The following SH3GL2 variants were observed in gnomAD, a reference collection of about 807,000 sequenced individuals.
SH3GL2 encodes SH3 domain containing GRB2 like 2, endophilin A1.
A neutral mutation model predicts 46.0 loss-of-function variants in SH3GL2; 24 were observed. The observed-to-expected ratio is 0.52, with a 90% CI of 0.38 to 0.73. SH3GL2 has a LOEUF of 0.73. Ranked by LOEUF, SH3GL2 falls within the 30% of genes least tolerant of loss-of-function variation. The pLI is 0.00. For missense variants in SH3GL2, 413 were observed against 424.2 expected, an observed-to-expected ratio of 0.97 and a Z score of 0.23; for synonymous variants, 196 against 147.1, an observed-to-expected ratio of 1.33 and a Z score of -2.40.
At chr9:17,627,656 G>A (rs75448047) in intron 1 of SH3GL2, among the ~76,000 whole-genome samples, 20,840 of 152,026 alleles carry the variant, frequency 0.14, 1,498 homozygotes, top group Middle Eastern at 0.23. Context: ...TTGCTGTGGC[G>A]GTGCTCTGAT....
intron 1 of SH3GL2, chr9:17,589,725 A>G (rs1238317681): frequency 2.6e-5 from 4 of 152,306 alleles, no homozygotes; most frequent in Non-Finnish European, 5.9e-5. Context: ...TCGGATGGCT[A>G]CATGGTACTT....
chr9:17,606,774 C>T (rs1020436024), intron 1 of SH3GL2, among the ~76,000 whole-genome samples: 4 of 152,112 alleles, frequency 2.6e-5, no homozygotes, highest in African/African-American at 9.7e-5. Flanking sequence ...GTTCCATATC[C>T]TGCAGTGCTG....
chr9:17,773,277 T>C (rs891588638), intron 3 of SH3GL2, among the ~76,000 whole-genome samples: 1 of 152,134 alleles, frequency 6.6e-6, no homozygotes, highest in Admixed American at 6.5e-5. Flanking sequence ...TTACTCAGTT[T>C]CTAGTGTCTT....
intron 1 of SH3GL2, among the ~76,000 whole-genome samples, chr9:17,608,314 A>G (rs146776728): frequency 0.011 from 1,718 of 151,798 alleles, 33 homozygotes; most frequent in African/African-American, 0.04. Context: ...CACCTGGCTA[A>G]ATTTTGTACT....
chr9:17,610,154 C>G (rs1309117612), intron 1 of SH3GL2, among the ~76,000 whole-genome samples: 2 of 152,200 alleles, frequency 1.3e-5, no homozygotes, highest in Non-Finnish European at 2.9e-5. Flanking sequence ...TCCATCTTCT[C>G]CAAAGTTAGC....
chr9:17,790,111 G>T (rs1371072052), intron 6 of SH3GL2, among the ~76,000 whole-genome samples: 1 of 152,178 alleles, frequency 6.6e-6, no homozygotes, highest in Non-Finnish European at 1.5e-5. Flanking sequence ...GCCTAGAGCT[G>T]TGACATCCAA....
At chr9:17,604,623 C>T (rs928017794) in intron 1 of SH3GL2, among the ~76,000 whole-genome samples, 14 of 152,262 alleles carry the variant, frequency 9.2e-5, no homozygotes, top group African/African-American at 3.4e-4. Flanking sequence ...GGGTGAAGCA[C>T]TTGTCTTGGT....
At position 17,795,710 on chromosome 9, in the gene SH3GL2, T is replaced by C; in HGVS notation, c.1026T>C (p.Asn342=). ...GCCATTCAGGCTTCTTCCCCATCAA[T>C]TATGTGGAAATTCTGGTTGCCCTGC... ...LHGHSGFFPI[N]YVEILVALPH Residue 342 remains asparagine, a synonymous_variant, in exon 9 of 9, where the codon AAT becomes AAC. Transcript: ENST00000380607. The C allele has an allele frequency of 6.2e-7, 1 of 1,614,004 alleles. No individual in the cohort carries two copies. The highest frequency in any genetic ancestry group is 1.1e-5 in the South Asian group (1 of 91,066).
At chr9:17,713,706 T>C (rs1821684716) in intron 1 of SH3GL2, among the ~76,000 whole-genome samples, 1 of 151,710 alleles carries the variant, frequency 6.6e-6, no homozygotes, top group Non-Finnish European at 1.5e-5. Flanking sequence ...GATCTGCTTT[T>C]TTATTTCTGA....
chr9:17,604,941 G>A (rs1818736967), intron 1 of SH3GL2, among the ~76,000 whole-genome samples: 1 of 151,382 alleles, frequency 6.6e-6, no homozygotes, highest in Non-Finnish European at 1.5e-5. Flanking sequence ...TATAGTTTGA[G>A]TCAGGGACAG....
At chr9:17,788,546 A>C (rs1302853495) in intron 5 of SH3GL2, among the ~76,000 whole-genome samples, 1 of 152,128 alleles carries the variant, frequency 6.6e-6, no homozygotes, top group African/African-American at 2.4e-5. Context: ...TAGTAGTGAA[A>C]GACTAGCTAT....
intron 3 of SH3GL2, among the ~76,000 whole-genome samples, chr9:17,771,022 A>C (rs1274241765): frequency 6.6e-6 from 1 of 152,196 alleles, no homozygotes. Context: ...CTGTGAGGTA[A>C]TGTGTGTTGT....
intron 6 of SH3GL2, 127 bp downstream of exon 6, chr9:17,789,677 T>A (rs1824067308): frequency 1.4e-6 from 2 of 1,438,430 alleles, no homozygotes; most frequent in South Asian, 1.4e-5. Flanking sequence ...CAGTAGATAG[T>A]TATTTATTTT....
chr9:17,624,691 C>A (rs1159731348), intron 1 of SH3GL2, among the ~76,000 whole-genome samples: 1 of 152,146 alleles, frequency 6.6e-6, no homozygotes, highest in African/African-American at 2.4e-5. Flanking sequence ...TTACTTTTGA[C>A]AAATTTTTCA....
At chr9:17,597,264 G>A (rs1818589874) in intron 1 of SH3GL2, among the ~76,000 whole-genome samples, 1 of 152,198 alleles carries the variant, frequency 6.6e-6, no homozygotes, top group South Asian at 2.1e-4. Flanking sequence ...GCTCACGCCT[G>A]TAATCCCAGC....
chr9:17,588,946 T>C (rs1006318938), intron 1 of SH3GL2, among the ~76,000 whole-genome samples: 9 of 152,200 alleles, frequency 5.9e-5, no homozygotes, highest in African/African-American at 2.2e-4. Context: ...AAGTGTAGCC[T>C]AGCTATGTGC....
At position 17,604,080 on chromosome 9, in the gene SH3GL2, C is replaced by G. The variant is rs575102612; in HGVS notation, c.45+24793C>G. 5.1e-4 allele frequency among the ~76,000 whole-genome samples: 77 copies of G among 152,302 alleles called. 1 individual carries two copies. The highest frequency in any genetic ancestry group is 1.9e-3 in the African/African-American group (77 of 41,570). On this transcript the variant is annotated intron_variant, in intron 1 of 8. Transcript: ENST00000380607. Reference sequence around the variant, plus strand: ...CCCTGGTCCTACGCTTGTTACAAAACTGCTGGTGGGAAGGGTCCTTAGACC... The same window carrying G: ...CCCTGGTCCTACGCTTGTTACAAAAGTGCTGGTGGGAAGGGTCCTTAGACC...
intron 1 of SH3GL2, among the ~76,000 whole-genome samples, chr9:17,671,004 C>G (rs924322080): frequency 6.6e-6 from 1 of 152,112 alleles, no homozygotes; most frequent in Non-Finnish European, 1.5e-5. Flanking sequence ...TTGAGGACTA[C>G]TAGGCTATAT....
At chr9:17,628,415 T>G (rs1459043695) in intron 1 of SH3GL2, among the ~76,000 whole-genome samples, 30 of 27,064 alleles carry the variant, frequency 1.1e-3, no homozygotes, top group African/African-American at 5.3e-3. Flanking sequence ...ATCTTGGGTG[T>G]GTGTGTGTGT....
Sources: gnomAD v4.1 joint callset for allele counts (sites outside exome capture counted in the v4.1 genomes callset) on GRCh38, gnomAD v4.1.1 for gene constraint, MANE v1.5 for transcripts, NCBI Gene and HGNC (gene_info 2026-07-23, HGNC 2026-07-21) for gene names.